The following GALNT7 variants were observed in gnomAD, a reference collection of about 807,000 sequenced individuals.
GALNT7 encodes polypeptide N-acetylgalactosaminyltransferase 7, also known as N-acetylgalactosaminyltransferase 7.
A neutral mutation model predicts 82.1 loss-of-function variants in GALNT7; 60 were observed. The observed-to-expected ratio is 0.73, with a 90% CI of 0.59 to 0.91. The LOEUF is 0.91. Among genes scored for constraint, GALNT7 ranks in the 40% least tolerant of loss-of-function variants. GALNT7 has a pLI of 0.00. For synonymous variants in GALNT7, 243 were observed against 275.1 expected (o/e 0.88, Z 1.15); for missense variants, 660 against 804.2 (o/e 0.82, Z 2.17).
At chr4:173,297,801 A>G (rs2126839384) in intron 5 of GALNT7, 2 of 1,420,928 alleles carry the variant, frequency 1.4e-6, no homozygotes, top group Non-Finnish European at 1.8e-6. Context: ...TCAGAACTAC[A>G]TGTACTGTGC....
At chr4:173,305,041 A>T (rs1737098361) in intron 8 of GALNT7, among the ~76,000 whole-genome samples, 1 of 152,120 alleles carries the variant, frequency 6.6e-6, no homozygotes, top group African/African-American at 2.4e-5. Flanking sequence ...ATACCTAGTA[A>T]TGAGATTGCT....
chr4:173,226,702 TGTAGAGAA>T (rs1733840148), intron 1 of GALNT7, among the ~76,000 whole-genome samples: 1 of 152,172 alleles, frequency 6.6e-6, no homozygotes, highest in Admixed American at 6.5e-5. Context: ...CACTCCCTGG[TGTAGAGAA>T]ACACGTCCAC....
At chr4:173,269,397 G>A (rs1440474985) in intron 2 of GALNT7, among the ~76,000 whole-genome samples, 1 of 152,110 alleles carries the variant, frequency 6.6e-6, no homozygotes, top group African/African-American at 2.4e-5. Flanking sequence ...TGCTAAAATG[G>A]GCTTGGGAAG....
intron 1 of GALNT7, among the ~76,000 whole-genome samples, chr4:173,214,776 CT>C (rs1337307070): frequency 6.7e-6 from 1 of 149,092 alleles, no homozygotes; most frequent in Non-Finnish European, 1.5e-5. Flanking sequence ...CCTTGTCTTC[CT>C]TTTGCTTCCA....
chr4:173,286,380 G>A (rs1433396382), intron 2 of GALNT7, among the ~76,000 whole-genome samples: 1 of 152,198 alleles, frequency 6.6e-6, no homozygotes, highest in African/African-American at 2.4e-5. Context: ...TTCCTTAGAG[G>A]GCAGCACTCC....
intron 11 of GALNT7, 149 bp downstream of exon 11, chr4:173,318,708 A>C (rs1737693420): frequency 1.8e-6 from 1 of 556,274 alleles, no homozygotes; most frequent in African/African-American, 1.9e-5. Flanking sequence ...GGTTTTCCTG[A>C]GCACTGGATG....
chr4:173,266,298 A>G (rs1735489178), intron 2 of GALNT7, among the ~76,000 whole-genome samples: 1 of 152,184 alleles, frequency 6.6e-6, no homozygotes, highest in Non-Finnish European at 1.5e-5. Flanking sequence ...GAATTTTAGA[A>G]CTGAAGGGGG....
chr4:173,183,763 C>A (rs1184309279), intron 1 of GALNT7, among the ~76,000 whole-genome samples: 24 of 147,706 alleles, frequency 1.6e-4, no homozygotes, highest in Admixed American at 1.4e-3. Context: ...CCGGACGGGG[C>A]GGCTGGCCTG....
Position 173,295,499 on chromosome 4 carries a change from T to G in GALNT7, c.858T>G (p.Ile286Met). The stretch of plus-strand genomic sequence containing the variant: ...AAGGTTTAATTCAAGCACGAAGTAT[T>G]GGTGCTCAGAAGGCTAAACTTGGAC... Reference protein sequence around the residue: ...RREGLIQARSIGAQKAKLGQV... With the variant: ...RREGLIQARSMGAQKAKLGQV... The change falls in exon 4 of 12, where the codon ATT (isoleucine) becomes ATG (methionine). Residue 286 changes from isoleucine to methionine, a missense_variant. Coordinates refer to ENST00000265000, the MANE Select transcript of GALNT7 (RefSeq NM_017423.3). 1 of 1,613,744 alleles carries G rather than the reference T, an allele frequency of 6.2e-7. No homozygotes were observed. The highest frequency in any genetic ancestry group is 2.2e-5 in the East Asian group (1 of 44,834).
chr4:173,241,751 A>G (rs1465232169), intron 1 of GALNT7, among the ~76,000 whole-genome samples: 2 of 152,316 alleles, frequency 1.3e-5, no homozygotes, highest in Non-Finnish European at 2.9e-5. Flanking sequence ...TCTTCATTAT[A>G]GTACAGGATA....
intron 1 of GALNT7, among the ~76,000 whole-genome samples, chr4:173,218,904 A>C (rs184526592): frequency 4.6e-5 from 7 of 152,290 alleles, no homozygotes; most frequent in East Asian, 3.9e-4. Context: ...AAGATAAATG[A>C]GTCATGGTCT....
At chr4:173,199,789 G>GT (rs1388145748) in intron 1 of GALNT7, among the ~76,000 whole-genome samples, 2 of 152,210 alleles carry the variant, frequency 1.3e-5, no homozygotes, top group African/African-American at 4.8e-5. Context: ...TGGTAATAGG[G>GT]TTGAGGTAGG....
At chr4:173,248,521 T>A in intron 2 of GALNT7, 81 bp downstream of exon 2, 1 of 859,062 alleles carries the variant, frequency 1.2e-6, no homozygotes, top group Non-Finnish European at 1.8e-6. Flanking sequence ...ATTGTTAGAA[T>A]GAAGAAATAA....
chr4:173,183,985 C>G (rs1288197838), intron 1 of GALNT7, among the ~76,000 whole-genome samples: 2 of 148,462 alleles, frequency 1.3e-5, no homozygotes, highest in Non-Finnish European at 3.0e-5. Flanking sequence ...CAGAGGCGCT[C>G]TTCACATCTC....
chr4:173,245,213 G>C (rs1208405768), intron 1 of GALNT7, among the ~76,000 whole-genome samples: 1 of 12,356 alleles, frequency 8.1e-5, no homozygotes, highest in African/African-American at 2.7e-4. Context: ...GAACCATTAA[G>C]TCAAAAAAAA....
At chr4:173,216,719 A>ATATATATATATATATATATATATATATT (rs1733477197) in intron 1 of GALNT7, among the ~76,000 whole-genome samples, 1 of 13,488 alleles carries the variant, frequency 7.4e-5, no homozygotes, top group African/African-American at 1.5e-4. Context: ...ATATATATAT[A>ATATATATATATATATATATATATATATT]TATATATATT....
chr4:173,192,408 A>G (rs1732654450), intron 1 of GALNT7, among the ~76,000 whole-genome samples: 1 of 152,214 alleles, frequency 6.6e-6, no homozygotes, highest in African/African-American at 2.4e-5. Context: ...TTTGTCTTCA[A>G]ACTGAAAGCC....
intron 6 of GALNT7, among the ~76,000 whole-genome samples, chr4:173,301,754 G>A (rs1041205930): frequency 6.6e-6 from 1 of 152,136 alleles, no homozygotes; most frequent in African/African-American, 2.4e-5. Context: ...TAAAACTAAG[G>A]CTTAATTTTT....
chr4:173,302,694 C>T lies in GALNT7; in HGVS notation c.1266+530C>T, dbSNP rs1012220650. ...CCCCCACCTCAACCCCTATTCCTAC[C>T]CCCATTTTCCAAAAGAAAGAGAGAG... On this transcript the variant is annotated intron_variant, in intron 7 of 11. Transcript: ENST00000265000. This position sits in a 1 kb window ranked among gnomAD's most constrained non-coding sequence, Gnocchi z 4.2. Among the ~76,000 whole-genome samples, 6 of 152,134 alleles carry T rather than the reference C, an allele frequency of 3.9e-5. No individual in the cohort carries two copies. The highest frequency in any genetic ancestry group is 7.4e-5 in the Non-Finnish European group (5 of 68,016).
Sources: allele counts gnomAD v4.1 joint callset (sites outside exome capture counted in the v4.1 genomes callset), GRCh38; gene constraint gnomAD v4.1.1; non-coding constraint Gnocchi (gnomAD v3.1); transcripts MANE v1.5; gene names NCBI Gene and HGNC (gene_info 2026-07-23, HGNC 2026-07-21).